CDK14: variants seen among roughly 807,000 people sequenced by gnomAD.
CDK14 encodes cyclin-dependent kinase 14.
CDK14 carries 34 observed loss-of-function variants against 60.7 expected under a neutral mutation model. The observed-to-expected ratio is 0.56, with a 90% CI of 0.43 to 0.75. The LOEUF (loss-of-function observed/expected upper bound fraction) is 0.75, where lower values mean the gene tolerates loss of function less well. CDK14 is among the 30% of genes least tolerant of loss of function. CDK14 has a pLI of 0.00. For missense variants in CDK14, 482 were observed against 564.1 expected, an observed-to-expected ratio of 0.85 and a Z score of 1.47; for synonymous variants, 197 against 203.7, an observed-to-expected ratio of 0.97 and a Z score of 0.28.
At chr7:90,841,336 G>A (rs377382038) in intron 5 of CDK14, among the ~76,000 whole-genome samples, 51 of 152,028 alleles carry the variant, frequency 3.4e-4, no homozygotes, top group Non-Finnish European at 3.7e-4. Context: ...CTCATCAGCT[G>A]TAAAAAATAT....
intron 9 of CDK14, among the ~76,000 whole-genome samples, chr7:90,961,334 A>G (rs1220049320): frequency 6.6e-6 from 1 of 152,178 alleles, no homozygotes; most frequent in African/African-American, 2.4e-5. Flanking sequence ...ATTTTACTAT[A>G]CAGTTTTATG....
At chr7:90,977,230 A>C (rs1453198946) in intron 9 of CDK14, among the ~76,000 whole-genome samples, 1 of 152,120 alleles carries the variant, frequency 6.6e-6, no homozygotes, top group Non-Finnish European at 1.5e-5. Flanking sequence ...TTATCAAAAC[A>C]CTGGGGGTTC....
intron 14 of CDK14, among the ~76,000 whole-genome samples, chr7:91,198,934 T>C (rs549151967): frequency 6.6e-6 from 1 of 152,368 alleles, no homozygotes; most frequent in South Asian, 2.1e-4. Context: ...GTTTCTCTAT[T>C]AAATACTTGG....
At chr7:90,905,423 A>C (rs1792665054) in intron 7 of CDK14, among the ~76,000 whole-genome samples, 1 of 152,320 alleles carries the variant, frequency 6.6e-6, no homozygotes, top group Admixed American at 6.5e-5. Context: ...ATTTTTGTGC[A>C]GGGGAAAGAA....
At chr7:90,780,855 A>G (rs1463743832) in intron 4 of CDK14, among the ~76,000 whole-genome samples, 64 of 152,070 alleles carry the variant, frequency 4.2e-4, no homozygotes, top group Admixed American at 6.6e-4. Flanking sequence ...TAGTGCCGCA[A>G]TAAACATACG....
chr7:90,862,767 T>C (rs941065799), intron 5 of CDK14, among the ~76,000 whole-genome samples: 1 of 152,178 alleles, frequency 6.6e-6, no homozygotes, highest in Non-Finnish European at 1.5e-5. Flanking sequence ...TAATAAACTA[T>C]ACAAATTTAA....
intron 14 of CDK14, among the ~76,000 whole-genome samples, chr7:91,197,206 C>T (rs576385646): frequency 6.6e-6 from 1 of 152,182 alleles, no homozygotes; most frequent in Non-Finnish European, 1.5e-5. Context: ...TCAAGACCAG[C>T]CTGGCCAACA....
chr7:90,889,460 A>G (rs779197626), intron 6 of CDK14, among the ~76,000 whole-genome samples: 7 of 152,216 alleles, frequency 4.6e-5, no homozygotes, highest in Non-Finnish European at 8.8e-5. Flanking sequence ...TACATTTTGG[A>G]TTCAGAAATG....
At chr7:90,872,376 C>T (rs545854416) in intron 6 of CDK14, among the ~76,000 whole-genome samples, 7 of 152,020 alleles carry the variant, frequency 4.6e-5, no homozygotes, top group East Asian at 1.9e-4. Context: ...GTACAGAATG[C>T]GAACAGATGT....
At chr7:90,762,014 A>G (rs1472467212) in intron 4 of CDK14, among the ~76,000 whole-genome samples, 2 of 152,208 alleles carry the variant, frequency 1.3e-5, no homozygotes, top group African/African-American at 4.8e-5. Context: ...GTAAAGGAAA[A>G]GAGAGCTGAG....
chr7:90,632,489 G>A (rs921870126), intron 2 of CDK14: 2 of 168,774 alleles, frequency 1.2e-5, no homozygotes, highest in African/African-American at 4.8e-5. Context: ...GTTGGCAGTA[G>A]AAGGAATTTA....
intron 14 of CDK14, among the ~76,000 whole-genome samples, chr7:91,186,934 A>G (rs901445082): frequency 3.3e-5 from 5 of 152,216 alleles, no homozygotes; most frequent in Non-Finnish European, 5.9e-5. Context: ...GCTACAATAA[A>G]TCTGCAGGAA....
At chr7:90,873,963 T>A (rs747071560) in intron 6 of CDK14, among the ~76,000 whole-genome samples, 7 of 152,214 alleles carry the variant, frequency 4.6e-5, no homozygotes, top group Admixed American at 6.5e-5. Flanking sequence ...AGCATGTTAA[T>A]ATAAATCTTT....
intron 2 of CDK14, among the ~76,000 whole-genome samples, chr7:90,683,260 T>C (rs1214066916): frequency 6.6e-6 from 1 of 152,190 alleles, no homozygotes; most frequent in East Asian, 1.9e-4. Context: ...AACTTACAGA[T>C]TCCTGTTTTC....
chr7:90,642,866 A>G lies in CDK14; in HGVS notation c.123+38617A>G, dbSNP rs180833042. 4.1e-3 allele frequency among the ~76,000 whole-genome samples: 629 copies of G among 152,192 alleles called. 2 individuals are homozygous for G. Among genetic ancestry groups the G allele is most frequent in the Non-Finnish European group, 6.9e-3 (470 of 68,000 alleles). ...ATTGTTAAACCTCCATTTGTTTCCT[A>G]TTACTGCCTTGAGAGTGATGAAAGT... On this transcript the variant is annotated intron_variant, in intron 2 of 14. Coordinates refer to ENST00000380050, the MANE Select transcript of CDK14 (RefSeq NM_001287135.2).
intron 5 of CDK14, among the ~76,000 whole-genome samples, chr7:90,807,471 A>G (rs939031701): frequency 6.6e-6 from 1 of 152,194 alleles, no homozygotes; most frequent in African/African-American, 2.4e-5. Flanking sequence ...TCTGTACGTC[A>G]TCATCATCAA....
At chr7:91,139,613 A>G (rs1298110991) in intron 14 of CDK14, among the ~76,000 whole-genome samples, 1 of 152,166 alleles carries the variant, frequency 6.6e-6, no homozygotes, top group Non-Finnish European at 1.5e-5. Flanking sequence ...ATATTTTTCA[A>G]CAAAGGATGC....
chr7:90,708,894 A>T (rs1801963659), intron 2 of CDK14, among the ~76,000 whole-genome samples: 5 of 152,094 alleles, frequency 3.3e-5, no homozygotes, highest in Admixed American at 3.3e-4. Context: ...TGTACCGAGG[A>T]CAGGAACTCC....
At chr7:90,950,114 G>A (rs1390900983) in intron 8 of CDK14, among the ~76,000 whole-genome samples, 2 of 152,110 alleles carry the variant, frequency 1.3e-5, no homozygotes, top group South Asian at 2.1e-4. Flanking sequence ...TTTTTGAGAC[G>A]GAGTTTCGCT....
Sources: gnomAD v4.1 joint callset for allele counts (sites outside exome capture counted in the v4.1 genomes callset) on GRCh38, gnomAD v4.1.1 for gene constraint, MANE v1.5 for transcripts, NCBI Gene and HGNC (gene_info 2026-07-23, HGNC 2026-07-21) for gene names.